MGAM2: variants seen among roughly 807,000 people sequenced by gnomAD.
The protein encoded by MGAM2 is probable maltase-glucoamylase 2.
In MGAM2, 98 loss-of-function variants were observed where a neutral mutation model predicts 96.1. The ratio of observed to expected loss-of-function variants is 1.02; its 90% confidence interval spans 0.87 to 1.21. The LOEUF (loss-of-function observed/expected upper bound fraction) is 1.21. Ranked by LOEUF, MGAM2 falls within the 50% of genes most tolerant of loss-of-function variation. The pLI is 0.00. For missense variants in MGAM2, 2,055 were observed against 1,182.4 expected, an observed-to-expected ratio of 1.74 and a Z score of -10.82; for synonymous variants, 749 against 414.8, an observed-to-expected ratio of 1.81 and a Z score of -9.79.
chr7:142,131,056 A>T lies in MGAM2; in HGVS notation c.295A>T (p.Thr99Ser). Reference protein sequence around the residue: ...NWGYEASNGHTNTSTGFTAQL... With the variant: ...NWGYEASNGHSNTSTGFTAQL... ...GGGCTATGAAGCCAGCAATGGCCAT[A>T]CAAATACAAGCACAGGTGAGCACTG... Residue 99 changes from threonine (T) to serine (S), a missense_variant, in exon 4 of 48, where the codon ACA becomes TCA. Physicochemically the swap from Thr to Ser is moderately conservative, Grantham distance 58 (BLOSUM62 1). Coordinates refer to ENST00000477922, the MANE Select transcript of MGAM2 (RefSeq NM_001293626.2). The T allele has an allele frequency of 1.4e-6, 1 of 702,666 alleles. No homozygotes were observed. Among genetic ancestry groups the T allele is most frequent in the Non-Finnish European group, 2.6e-6 (1 of 385,006 alleles). 43.5% of individuals were successfully genotyped at this position (702,666 alleles called of 1,614,324 possible).
intron 13 of MGAM2, among the ~76,000 whole-genome samples, 187 bp from the exon 14 acceptor site, chr7:142,144,674 C>T (rs181375411): frequency 6.6e-6 from 1 of 152,188 alleles, no homozygotes; most frequent in East Asian, 1.9e-4. Flanking sequence ...AATATATAAC[C>T]TAATCCAATG....
chr7:142,218,622 C>T (rs1797834405), intron 47 of MGAM2, 91 bp downstream of exon 47: 1 of 585,328 alleles, frequency 1.7e-6, no homozygotes. Flanking sequence ...TTAAAATTAT[C>T]ATTGTTAAAT....
In MGAM2 at chr7:142,171,176, T is replaced by C. The variant is rs1050733160; in HGVS notation, c.3183-96T>C. 3.9e-5 allele frequency: 27 copies of C among 697,092 alleles called. 1 individual carries two copies. Among genetic ancestry groups the C allele is most frequent in the Admixed American group, 3.8e-4 (19 of 49,876 alleles). 43.2% of individuals were successfully genotyped at this position (697,092 alleles called of 1,614,324 possible). A position where few individuals can be genotyped will look rare whatever the true frequency, so the allele number is the denominator to read the frequency against. ...AACCTGGATCTAAATGTGCAATAAT[T>C]AAGGAGGCTTTGGAATCAACTAGAC... On this transcript the variant is annotated intron_variant, in intron 27 of 47. Transcript: ENST00000477922.
At chr7:142,198,830 T>C in intron 44 of MGAM2, 91 bp downstream of exon 44, 1 of 619,922 alleles carries the variant, frequency 1.6e-6, no homozygotes, top group Non-Finnish European at 2.9e-6. Flanking sequence ...CAGGGATATG[T>C]GGATTATAAA....
chr7:142,195,473 C>T (rs557807492), intron 37 of MGAM2, among the ~76,000 whole-genome samples: 2 of 148,046 alleles, frequency 1.4e-5, no homozygotes, highest in African/African-American at 5.0e-5. Flanking sequence ...TCTCCTACCT[C>T]AGCCTCCTGG....
intron 32 of MGAM2, among the ~76,000 whole-genome samples, chr7:142,179,848 T>G (rs1186076835): frequency 6.6e-6 from 1 of 152,152 alleles, no homozygotes; most frequent in African/African-American, 2.4e-5. Flanking sequence ...CTGCCAGATA[T>G]TGATATCAGG....
intron 6 of MGAM2, among the ~76,000 whole-genome samples, chr7:142,132,599 T>C (rs1434857110): frequency 7.7e-6 from 1 of 129,382 alleles, no homozygotes; most frequent in Non-Finnish European, 1.5e-5. Context: ...ATATAATTTA[T>C]ATATTTAATA....
At chr7:142,212,012 C>T (rs930647120) in intron 46 of MGAM2, among the ~76,000 whole-genome samples, 1 of 152,170 alleles carries the variant, frequency 6.6e-6, no homozygotes, top group Non-Finnish European at 1.5e-5. Flanking sequence ...ACCTCACAAG[C>T]CAGAAGAGAA....
rs191314854 is a variant in MGAM2 at position 142,168,669 on chromosome 7, G to A, written c.3027+1183G>A. Among the ~76,000 whole-genome samples, 76 of 152,192 alleles carry A rather than the reference G, an allele frequency of 5.0e-4. 3 individuals are homozygous for A. Among genetic ancestry groups the A allele is most frequent in the African/African-American group, 1.8e-3 (73 of 41,508 alleles). On this transcript the variant is annotated intron_variant, in intron 26 of 47. Transcript: ENST00000477922. ...ACCGCTATGCACATTTAAAAAATAC[G>A]TCTACTGGAAACATAATGTGAGCCA...
Position 142,220,945 on chromosome 7 carries a change from T to A in MGAM2, c.6434T>A (p.Val2145Asp). 1 of 701,696 alleles carries A rather than the reference T, an allele frequency of 1.4e-6. No individual in the cohort carries two copies. The highest frequency in any genetic ancestry group is 2.0e-5 in the Admixed American group (1 of 49,798). 43.5% of individuals were successfully genotyped at this position (701,696 alleles called of 1,614,324 possible). Residue 2145 changes from valine (V) to aspartate (D), a missense_variant, in exon 48 of 48, where the codon GTT becomes GAT. Physicochemically the swap from Val to Asp is radical, Grantham distance 152. Coordinates refer to ENST00000477922, the MANE Select transcript of MGAM2 (RefSeq NM_001293626.2). ...STTINNISTP[V>D]QTNTTNASTS... Reference sequence around the variant, plus strand: ...ACTATTAATAATATAAGTACTCCTGTTCAAACAAATACTACTAATGCTAGC... The same window carrying A: ...ACTATTAATAATATAAGTACTCCTGATCAAACAAATACTACTAATGCTAGC...
intron 6 of MGAM2, among the ~76,000 whole-genome samples, chr7:142,132,750 AAT>A (rs1457146480): frequency 1.6e-5 from 2 of 125,938 alleles, no homozygotes; most frequent in East Asian, 2.3e-4. Context: ...AATAACATAT[AAT>A]ATATAATATA....
chr7:142,119,315 A>G (rs755368063), intron 2 of MGAM2, among the ~76,000 whole-genome samples: 2 of 152,214 alleles, frequency 1.3e-5, no homozygotes, highest in Non-Finnish European at 2.9e-5. Flanking sequence ...TAAACCCATG[A>G]AAGTATATTC....
chr7:142,142,010 C>T (rs1585157421), intron 12 of MGAM2, among the ~76,000 whole-genome samples: 2 of 152,154 alleles, frequency 1.3e-5, no homozygotes, highest in Admixed American at 1.3e-4. Context: ...CAAATTGTTG[C>T]TTCATCTAGA....
At chr7:142,186,798 A>C (rs1055920025) in intron 35 of MGAM2, among the ~76,000 whole-genome samples, 3 of 152,222 alleles carry the variant, frequency 2.0e-5, no homozygotes, top group South Asian at 4.1e-4. Flanking sequence ...ACAAAAGTCC[A>C]CTGAAAACAC....
intron 35 of MGAM2, among the ~76,000 whole-genome samples, chr7:142,187,239 A>G (rs1796727561): frequency 6.6e-6 from 1 of 152,264 alleles, no homozygotes; most frequent in African/African-American, 2.4e-5. Flanking sequence ...AGAAAGTGAG[A>G]TAACTCTCCT....
chr7:142,131,952 C>T lies in MGAM2; in HGVS notation c.442C>T (p.Arg148Cys), dbSNP rs781604451. Residue 148 changes from arginine to cysteine, a missense_variant, in exon 6 of 48, where the codon CGC (arginine) becomes TGC (cysteine). Transcript: ENST00000477922. ...HFKITDFNNI[R>C]YEVSHENINL... ...ACAGATCACTGACTTTAATAACATA[C>T]GCTATGAAGTTTCCCATGAAAATAT... The T allele has an allele frequency of 5.0e-5, 35 of 702,280 alleles. No individual in the cohort carries two copies. The highest frequency in any genetic ancestry group is 2.1e-4 in the East Asian group (8 of 37,292). The allele number at this position is 702,280 out of a possible 1,614,324, so 43.5% of individuals were successfully genotyped here.
intron 1 of MGAM2, among the ~76,000 whole-genome samples, chr7:142,112,547 G>A (rs1217603736): frequency 1.3e-5 from 2 of 152,124 alleles, no homozygotes; most frequent in African/African-American, 2.4e-5. Context: ...GCACTCTTAG[G>A]GTAGGTCCTT....
chr7:142,149,241 A>G (rs1349650743), intron 15 of MGAM2, among the ~76,000 whole-genome samples: 1 of 150,240 alleles, frequency 6.7e-6, no homozygotes, highest in Non-Finnish European at 1.5e-5. Flanking sequence ...AAAAAAAAAT[A>G]AAAAAAGATA....
intron 32 of MGAM2, among the ~76,000 whole-genome samples, chr7:142,175,997 A>T (rs1796363157): frequency 6.6e-6 from 1 of 151,748 alleles, no homozygotes; most frequent in South Asian, 2.1e-4. Flanking sequence ...TTAAAAGATG[A>T]TACTTTATAA....
Sources: gnomAD v4.1 joint callset for allele counts (sites outside exome capture counted in the v4.1 genomes callset) on GRCh38, gnomAD v4.1.1 for gene constraint, MANE v1.5 for transcripts, NCBI Gene and HGNC (gene_info 2026-07-23, HGNC 2026-07-21) for gene names.